Variants in TSPAN2 observed in about 807,000 individuals in gnomAD.
The protein encoded by TSPAN2 is tetraspanin-2.
In TSPAN2, 24 loss-of-function variants were observed where a neutral mutation model predicts 33.3. The observed-to-expected ratio is 0.72, with a 90% confidence interval of 0.52 to 1.01. The LOEUF is 1.01. Among genes scored for constraint, TSPAN2 ranks in the 50% least tolerant of loss-of-function variants. The pLI, the probability that TSPAN2 is intolerant of heterozygous loss-of-function variation, is 0.00. For missense variants in TSPAN2, 278 were observed against 281.3 expected (o/e 0.99, Z 0.08); for synonymous variants, 114 against 104.5 (o/e 1.09, Z -0.56).
In TSPAN2 at chr1:115,070,976, TA is replaced by T. The variant is rs556800151; in HGVS notation, c.172+1928del. Among the ~76,000 whole-genome samples, 12 of 152,332 alleles carry T rather than the reference TA, an allele frequency of 7.9e-5. No individual in the cohort carries two copies. The East Asian group carries it at 1.4e-3, about 17-fold the overall frequency. On this transcript the variant is annotated intron_variant, in intron 2 of 7. Coordinates refer to ENST00000369516, the MANE Select transcript of TSPAN2 (RefSeq NM_005725.6). ...ATATTTAGGTTATACTGATAGGTTA[TA>T]TTTTTTTGTCTCAAATGTCCTTGCC...
chr1:115,079,060 T>A (rs191847035), intron 1 of TSPAN2, among the ~76,000 whole-genome samples: 5 of 151,622 alleles, frequency 3.3e-5, no homozygotes, highest in Non-Finnish European at 7.4e-5. Context: ...AAAGAATAAA[T>A]CTACACAATG....
intron 2 of TSPAN2, among the ~76,000 whole-genome samples, chr1:115,065,513 T>C (rs1647916831): frequency 6.6e-6 from 1 of 152,212 alleles, no homozygotes; most frequent in Non-Finnish European, 1.5e-5. Flanking sequence ...CATGAATAGC[T>C]GGCCTTTGGG....
intron 1 of TSPAN2, among the ~76,000 whole-genome samples, chr1:115,073,792 C>T (rs144981881): frequency 2.0e-5 from 3 of 152,078 alleles, no homozygotes; most frequent in Non-Finnish European, 4.4e-5. Flanking sequence ...GGCAGGCTGG[C>T]GGCTGGTAGA....
At position 115,052,024 on chromosome 1, in the gene TSPAN2, C is replaced by A. The variant is rs116167543; in HGVS notation, c.600+1355G>T. On this transcript the variant is annotated intron_variant, in intron 7 of 7. Transcript: ENST00000369516. ...CTTCAGTCTCAGCCTACTGCCGACA[C>A]GAGTCAGGGGTGAATGCTTCTAGGC... 6.1e-3 allele frequency among the ~76,000 whole-genome samples: 931 copies of A among 152,278 alleles called. 9 individuals are homozygous for A. Among genetic ancestry groups the A allele is most frequent in the African/African-American group, 0.021 (876 of 41,536 alleles).
chr1:115,073,872 C>T (rs1031849198), intron 1 of TSPAN2, among the ~76,000 whole-genome samples: 2 of 151,984 alleles, frequency 1.3e-5, no homozygotes, highest in African/African-American at 4.8e-5. Flanking sequence ...AAGTTGGAAG[C>T]CCTTTCTGCC....
chr1:115,054,245 T>C (rs2101022082), intron 6 of TSPAN2, among the ~76,000 whole-genome samples: 1 of 152,370 alleles, frequency 6.6e-6, no homozygotes, highest in East Asian at 1.9e-4. Flanking sequence ...TCTGTTCACT[T>C]GTCACTGGTT....
chr1:115,082,436 G>A (rs954805390), intron 1 of TSPAN2, among the ~76,000 whole-genome samples: 2 of 152,192 alleles, frequency 1.3e-5, no homozygotes, highest in African/African-American at 4.8e-5. Context: ...AACTGGGGAT[G>A]ATAACTGCTA....
At chr1:115,084,601 A>G (rs1355626190) in intron 1 of TSPAN2, among the ~76,000 whole-genome samples, 1 of 152,182 alleles carries the variant, frequency 6.6e-6, no homozygotes, top group African/African-American at 2.4e-5. Flanking sequence ...CAAAAATCAG[A>G]AATGAAGATT....
chr1:115,053,905 A>T (rs1024357851), intron 6 of TSPAN2, among the ~76,000 whole-genome samples: 1 of 152,244 alleles, frequency 6.6e-6, no homozygotes, highest in Non-Finnish European at 1.5e-5. Context: ...GGCATGACCT[A>T]TTAAGAAACT....
At chr1:115,071,394 C>G (rs1648169907) in intron 2 of TSPAN2, among the ~76,000 whole-genome samples, 1 of 152,146 alleles carries the variant, frequency 6.6e-6, no homozygotes, top group African/African-American at 2.4e-5. Flanking sequence ...TGCCTGGAGC[C>G]ACTGCAGCTA....
intron 3 of TSPAN2, among the ~76,000 whole-genome samples, chr1:115,061,610 C>T (rs1371300167): frequency 6.6e-6 from 1 of 152,174 alleles, no homozygotes; most frequent in African/African-American, 2.4e-5. Flanking sequence ...AACATCTTTA[C>T]ACCAATGACG....
intron 2 of TSPAN2, among the ~76,000 whole-genome samples, chr1:115,071,448 G>T (rs1036062890): frequency 2.6e-5 from 4 of 152,308 alleles, no homozygotes; most frequent in Admixed American, 1.3e-4. Context: ...ACAGCAGAGA[G>T]GGGGAAAGAA....
chr1:115,082,079 A>G (rs183385405), intron 1 of TSPAN2, among the ~76,000 whole-genome samples: 1 of 152,348 alleles, frequency 6.6e-6, no homozygotes, highest in East Asian at 1.9e-4. Flanking sequence ...CCTTTCTCCA[A>G]TGATGTAAAT....
chr1:115,081,678 G>A (rs537646753), intron 1 of TSPAN2, among the ~76,000 whole-genome samples: 1 of 152,218 alleles, frequency 6.6e-6, no homozygotes, highest in South Asian at 2.1e-4. Flanking sequence ...TAATAATAGT[G>A]CCTCCTAAAG....
chr1:115,076,927 C>T (rs1312530091), intron 1 of TSPAN2, among the ~76,000 whole-genome samples: 2 of 144,342 alleles, frequency 1.4e-5, no homozygotes, highest in Non-Finnish European at 3.1e-5. Context: ...TCCTCCCTCC[C>T]TTTTTTTTTT....
At chr1:115,073,058 C>T (rs374340263) in intron 1 of TSPAN2, 51 bp from the exon 2 acceptor site, 3 of 1,509,080 alleles carry the variant, frequency 2.0e-6, no homozygotes, top group East Asian at 4.5e-5. Context: ...AGAGCATGCA[C>T]AGATCCGAGA....
intron 1 of TSPAN2, among the ~76,000 whole-genome samples, chr1:115,087,321 A>C (rs914090129): frequency 1.8e-4 from 27 of 152,030 alleles, no homozygotes; most frequent in African/African-American, 6.3e-4. Context: ...ACAGTGCTTA[A>C]GAGAAGGTAG....
At chr1:115,088,157 C>T (rs890767834) in intron 1 of TSPAN2, among the ~76,000 whole-genome samples, 4 of 152,240 alleles carry the variant, frequency 2.6e-5, no homozygotes, top group Non-Finnish European at 4.4e-5. Flanking sequence ...ACCTCCTTCA[C>T]ACCTTCCACT....
At chr1:115,065,116 G>A (rs1647893697) in intron 2 of TSPAN2, among the ~76,000 whole-genome samples, 1 of 152,162 alleles carries the variant, frequency 6.6e-6, no homozygotes. Context: ...TGTATGTGTG[G>A]GCCCGTGACT....
Sources: gnomAD v4.1 joint callset for allele counts (sites outside exome capture counted in the v4.1 genomes callset) on GRCh38, gnomAD v4.1.1 for gene constraint, MANE v1.5 for transcripts, NCBI Gene and HGNC (gene_info 2026-07-23, HGNC 2026-07-21) for gene names.